NEGR1: variants seen among roughly 807,000 people sequenced by gnomAD.
The protein encoded by NEGR1 is neuronal growth regulator 1.
Under a neutral mutation model 40.9 loss-of-function variants are expected in NEGR1, and 10 were observed. That is an observed-to-expected ratio of 0.24 (90% CI 0.15 to 0.42). The LOEUF (loss-of-function observed/expected upper bound fraction) is 0.42. NEGR1 is among the 10% of genes least tolerant of loss of function. The pLI, the probability that NEGR1 is intolerant of heterozygous loss-of-function variation, is 1.00. For synonymous variants in NEGR1, 185 were observed against 166.8 expected, an observed-to-expected ratio of 1.11 and a Z score of -0.84; for missense variants, 352 against 438.9, an observed-to-expected ratio of 0.80 and a Z score of 1.77.
intron 1 of NEGR1, among the ~76,000 whole-genome samples, chr1:72,248,307 G>C (rs1416173678): frequency 6.6e-6 from 1 of 152,100 alleles, no homozygotes; most frequent in Non-Finnish European, 1.5e-5. Context: ...CCCTAGGCTA[G>C]TGTGCAGTGG....
intron 1 of NEGR1, among the ~76,000 whole-genome samples, chr1:72,121,859 C>CT (rs1326907527): frequency 6.6e-6 from 1 of 151,788 alleles, no homozygotes; most frequent in East Asian, 1.9e-4. Flanking sequence ...TACTGATCAT[C>CT]TTTTTTTAAA....
intron 3 of NEGR1, among the ~76,000 whole-genome samples, chr1:71,745,072 C>A (rs1448956649): frequency 6.6e-6 from 1 of 152,158 alleles, no homozygotes; most frequent in Non-Finnish European, 1.5e-5. Flanking sequence ...TCTTATCCTT[C>A]TTCCTTGAAA....
chr1:71,621,752 G>A (rs1650615781), intron 4 of NEGR1, among the ~76,000 whole-genome samples: 2 of 151,714 alleles, frequency 1.3e-5, no homozygotes, highest in African/African-American at 4.8e-5. Context: ...TAACCTAAGA[G>A]ATTATTTTCC....
intron 1 of NEGR1, among the ~76,000 whole-genome samples, chr1:72,231,863 G>A (rs1361314430): frequency 6.6e-6 from 1 of 152,102 alleles, no homozygotes; most frequent in Non-Finnish European, 1.5e-5. Flanking sequence ...TAAGATTTTG[G>A]TTTTGCTTTT....
intron 1 of NEGR1, among the ~76,000 whole-genome samples, chr1:72,086,610 G>GTTTT (rs1484599453): frequency 2.0e-5 from 3 of 152,082 alleles, no homozygotes; most frequent in Admixed American, 1.3e-4. Context: ...TGCAATTTTT[G>GTTTT]TTTTGCTGAG....
chr1:72,174,665 A>C (rs1652097348), intron 1 of NEGR1, among the ~76,000 whole-genome samples: 1 of 152,174 alleles, frequency 6.6e-6, no homozygotes, highest in African/African-American at 2.4e-5. Context: ...GAATTAGAAC[A>C]AAGATCCCAC....
chr1:72,217,017 C>T (rs1232473291), intron 1 of NEGR1, among the ~76,000 whole-genome samples: 1 of 151,184 alleles, frequency 6.6e-6, no homozygotes, highest in Non-Finnish European at 1.5e-5. Context: ...TTTATTAAGC[C>T]TCTTTATCTG....
At chr1:71,992,297 G>T (rs1646461005) in intron 1 of NEGR1, among the ~76,000 whole-genome samples, 2 of 151,820 alleles carry the variant, frequency 1.3e-5, no homozygotes, top group African/African-American at 4.8e-5. Flanking sequence ...AATTAAAGAA[G>T]AATTTATATA....
chr1:72,063,199 A>G (rs987863832), intron 1 of NEGR1, among the ~76,000 whole-genome samples: 5 of 151,936 alleles, frequency 3.3e-5, no homozygotes, highest in Non-Finnish European at 7.4e-5. Flanking sequence ...ATAATCTATC[A>G]TTGCACTGAG....
intron 3 of NEGR1, among the ~76,000 whole-genome samples, chr1:71,743,628 G>T (rs931464): frequency 6.6e-6 from 1 of 151,850 alleles, no homozygotes; most frequent in African/African-American, 2.4e-5. Flanking sequence ...GTTCTCTCAG[G>T]CTCTCTAATA....
intron 1 of NEGR1, among the ~76,000 whole-genome samples, chr1:72,037,814 A>C (rs1182942615): frequency 6.6e-6 from 1 of 152,124 alleles, no homozygotes; most frequent in Non-Finnish European, 1.5e-5. Context: ...CAACTCTAAT[A>C]GTAGAAGTAC....
In NEGR1 at chr1:72,195,510, T is replaced by C. The variant is rs114033789; in HGVS notation, c.176+86809A>G. The stretch of plus-strand genomic sequence containing the variant: ...ATGTAATGTCTTCATTTAAAAAAAA[T>C]AGCAATTTGACAATGATACACCAAG... On this transcript the variant is annotated intron_variant, in intron 1 of 6. Coordinates refer to ENST00000357731, the MANE Select transcript of NEGR1 (RefSeq NM_173808.3). 8.7e-3 allele frequency among the ~76,000 whole-genome samples: 1,316 copies of C among 152,114 alleles called. 19 individuals carry two copies. Among genetic ancestry groups the C allele is most frequent in the African/African-American group, 0.03 (1,252 of 41,532 alleles).
chr1:72,161,017 T>A (rs547330367), intron 1 of NEGR1, among the ~76,000 whole-genome samples: 68 of 152,266 alleles, frequency 4.5e-4, no homozygotes, highest in Non-Finnish European at 7.8e-4. Flanking sequence ...GGCAATTAGG[T>A]GGATTCTTTA....
intron 4 of NEGR1, among the ~76,000 whole-genome samples, chr1:71,629,024 C>T (rs991917534): frequency 3.3e-5 from 5 of 152,124 alleles, no homozygotes; most frequent in Non-Finnish European, 5.9e-5. Context: ...AATTTACACT[C>T]CCACCAACAG....
intron 6 of NEGR1, among the ~76,000 whole-genome samples, chr1:71,509,136 C>T (rs1427915950): frequency 3.9e-5 from 6 of 152,186 alleles, no homozygotes; most frequent in Non-Finnish European, 8.8e-5. Context: ...TTGGTACAAG[C>T]CCTCAGGAAG....
chr1:71,407,664 G>T, intron 6 of NEGR1, 94 bp from the exon 7 acceptor site: 1 of 1,204,968 alleles, frequency 8.3e-7, no homozygotes, highest in Non-Finnish European at 1.2e-6. Flanking sequence ...ATCGGGGAAA[G>T]CACTGACATT....
chr1:72,146,166 A>G (rs74318489), intron 1 of NEGR1, among the ~76,000 whole-genome samples: 75 of 152,262 alleles, frequency 4.9e-4, no homozygotes, highest in African/African-American at 1.8e-3. Flanking sequence ...AGCCTCTTCA[A>G]TTCAAAAGTT....
intron 1 of NEGR1, among the ~76,000 whole-genome samples, chr1:72,243,764 A>G (rs1654821169): frequency 6.6e-6 from 1 of 151,858 alleles, no homozygotes; most frequent in Non-Finnish European, 1.5e-5. Flanking sequence ...TTACCTGATT[A>G]TATGCATTAA....
intron 1 of NEGR1, among the ~76,000 whole-genome samples, chr1:72,269,212 T>C (rs1177077695): frequency 1.6e-4 from 25 of 151,630 alleles, no homozygotes; most frequent in Admixed American, 1.5e-3. Context: ...ACTACTGACA[T>C]GTTATTGAAA....
Sources: gnomAD v4.1 joint callset for allele counts (sites outside exome capture counted in the v4.1 genomes callset) on GRCh38, gnomAD v4.1.1 for gene constraint, MANE v1.5 for transcripts, NCBI Gene and HGNC (gene_info 2026-07-23, HGNC 2026-07-21) for gene names.